Variants in LRRC37A2 observed in about 807,000 individuals in gnomAD.
LRRC37A2 encodes leucine rich repeat containing 37 member A2, also known as leucine-rich repeat-containing protein 37A2.
In LRRC37A2, 9 loss-of-function variants were observed where a neutral mutation model predicts 68.8. The ratio of observed to expected loss-of-function variants is 0.13; its 90% CI spans 0.08 to 0.23. The LOEUF is 0.23. Among genes scored for constraint, LRRC37A2 ranks in the 10% least tolerant of loss-of-function variants. The pLI, the probability that LRRC37A2 is intolerant of heterozygous loss-of-function variation, is 1.00. For missense variants in LRRC37A2, 168 were observed against 950.4 expected, an observed-to-expected ratio of 0.18 and a Z score of 10.82; for synonymous variants, 63 against 367.6, an observed-to-expected ratio of 0.17 and a Z score of 9.48.
chr17:47,030,696 T>C, the LRRC37A2 span, among the ~76,000 whole-genome samples: 1 of 152,118 alleles, frequency 6.6e-6, no homozygotes, highest in African/African-American at 2.4e-5. Flanking sequence ...CAAATCTTCC[T>C]GGTAAACAAA....
At chr17:46,837,812 T>C in the LRRC37A2 span, among the ~76,000 whole-genome samples, 881 of 152,326 alleles carry the variant, frequency 5.8e-3, 6 homozygotes, top group African/African-American at 0.021. Context: ...CAATTGTGCA[T>C]GTTGTGCACT....
the LRRC37A2 span, among the ~76,000 whole-genome samples, chr17:46,849,486 C>G: frequency 6.6e-6 from 1 of 152,188 alleles, no homozygotes; most frequent in East Asian, 1.9e-4. Flanking sequence ...TGTCTGCCAC[C>G]CCAGTCCATG....
At chr17:46,949,168 A>G in the LRRC37A2 span, 1 of 152,208 alleles carries the variant, frequency 6.6e-6, no homozygotes, top group African/African-American at 2.4e-5. Context: ...GGGGCCTCAG[A>G]TGGAAGATTT....
At chr17:47,000,832 A>C in the LRRC37A2 span, among the ~76,000 whole-genome samples, 23 of 152,260 alleles carry the variant, frequency 1.5e-4, no homozygotes, top group African/African-American at 5.3e-4. Flanking sequence ...TGCAGATAAC[A>C]GGGAACTATG....
the LRRC37A2 span, among the ~76,000 whole-genome samples, chr17:47,011,744 T>C: frequency 2.0e-5 from 3 of 151,910 alleles, no homozygotes; most frequent in East Asian, 3.9e-4. Context: ...TTTTGAGCAA[T>C]ACAGACCAGT....
At chr17:46,912,269 A>G in the LRRC37A2 span, among the ~76,000 whole-genome samples, 1 of 152,198 alleles carries the variant, frequency 6.6e-6, no homozygotes, top group Non-Finnish European at 1.5e-5. Flanking sequence ...CGAATGCCTA[A>G]TGACCATGGG....
chr17:46,939,420 C>T, the LRRC37A2 span: 1 of 993,072 alleles, frequency 1.0e-6, no homozygotes, highest in Non-Finnish European at 1.2e-6. Context: ...AAAGTGAGGC[C>T]AGTGTTATTT....
At chr17:46,750,783 G>A in the LRRC37A2 span, among the ~76,000 whole-genome samples, 1 of 151,708 alleles carries the variant, frequency 6.6e-6, no homozygotes, top group East Asian at 1.9e-4. Context: ...ATTCATAGTG[G>A]CTTTTAGCAC....
At chr17:46,547,118 C>T (rs1598505259) in intron 9 of LRRC37A2, 2 of 28,426 alleles carry the variant, frequency 7.0e-5, no homozygotes, top group African/African-American at 1.9e-4. Context: ...ATTAATAATG[C>T]TTGGTTACAT....
chr17:46,972,493 C>T, the LRRC37A2 span, among the ~76,000 whole-genome samples: 2 of 152,224 alleles, frequency 1.3e-5, no homozygotes, highest in African/African-American at 4.8e-5. Context: ...CTTTGGAGCA[C>T]AAGGTGGAAT....
At chr17:46,795,049 C>G in the LRRC37A2 span, among the ~76,000 whole-genome samples, 2 of 152,126 alleles carry the variant, frequency 1.3e-5, no homozygotes, top group African/African-American at 2.4e-5. Flanking sequence ...CCATGCCAGG[C>G]CCTTCCCAGG....
the LRRC37A2 span, among the ~76,000 whole-genome samples, chr17:47,040,381 T>A: frequency 4.0e-5 from 6 of 151,880 alleles, no homozygotes; most frequent in African/African-American, 1.4e-4. Flanking sequence ...CATACTTTGT[T>A]TCCTTGCATC....
At chr17:47,018,613 T>C in the LRRC37A2 span, 165 of 1,520,458 alleles carry the variant, frequency 1.1e-4, 1 homozygote, top group East Asian at 3.6e-3. Context: ...CCTTTAGCAG[T>C]TCAACAGGAG....
chr17:46,940,973 G>T, the LRRC37A2 span: 20 of 1,218,428 alleles, frequency 1.6e-5, no homozygotes, highest in East Asian at 8.5e-4. Context: ...TCAGTGTAGG[G>T]AAGGGTCCAG....
At chr17:46,832,257 G>A in the LRRC37A2 span, among the ~76,000 whole-genome samples, 55 of 152,300 alleles carry the variant, frequency 3.6e-4, no homozygotes, top group Non-Finnish European at 6.8e-4. Flanking sequence ...CTCTCTGGGG[G>A]CCTTGACCCC....
At chr17:46,408,310 A>T in the LRRC37A2 span, among the ~76,000 whole-genome samples, 3 of 52,512 alleles carry the variant, frequency 5.7e-5, no homozygotes, top group African/African-American at 1.4e-4. Flanking sequence ...AAAAAAAAAA[A>T]AAAAAAAAAA....
the LRRC37A2 span, among the ~76,000 whole-genome samples, chr17:46,806,791 C>T: frequency 1.3e-5 from 2 of 152,218 alleles, no homozygotes; most frequent in Non-Finnish European, 2.9e-5. Flanking sequence ...TGTGAGGACA[C>T]CTTGCTGGGT....
chr17:46,684,462 T>C, the LRRC37A2 span, among the ~76,000 whole-genome samples: 1 of 152,104 alleles, frequency 6.6e-6, no homozygotes, highest in South Asian at 2.1e-4. Context: ...ATGATTGTAA[T>C]GGGATTGCTG....
At chr17:46,818,183 A>G in the LRRC37A2 span, among the ~76,000 whole-genome samples, 36 of 152,100 alleles carry the variant, frequency 2.4e-4, no homozygotes, top group African/African-American at 8.5e-4. Context: ...GGATTTCCAG[A>G]AACCCAACTG....
Sources: gnomAD v4.1 joint callset for allele counts (sites outside exome capture counted in the v4.1 genomes callset) on GRCh38, gnomAD v4.1.1 for gene constraint, MANE v1.5 for transcripts, NCBI Gene and HGNC (gene_info 2026-07-23, HGNC 2026-07-21) for gene names.